The following DNAJB2 variants were observed in gnomAD, a reference collection of about 807,000 sequenced individuals.
DNAJB2 encodes the protein dnaJ homolog subfamily B member 2.
In DNAJB2, 19 loss-of-function variants were observed where a neutral mutation model predicts 33.3. That is an observed-to-expected ratio of 0.57 (90% confidence interval 0.40 to 0.84). DNAJB2 has a LOEUF of 0.84. Among genes scored for constraint, DNAJB2 ranks in the 40% least tolerant of loss-of-function variants. The probability of loss-of-function intolerance (pLI) is 0.00; values close to 1 mark genes in which losing one functional copy is unlikely to be tolerated. For missense variants in DNAJB2, 368 were observed against 430.9 expected, an observed-to-expected ratio of 0.85 and a Z score of 1.29; for synonymous variants, 172 against 164.6, an observed-to-expected ratio of 1.04 and a Z score of -0.34.
At position 219,279,427 on chromosome 2, in the gene DNAJB2, A is replaced by C. The variant is rs1371305960; in HGVS notation, c.-128A>C. 5.7e-6 allele frequency: 1 copy of C among 176,182 alleles called. No individual in the cohort carries two copies. The highest frequency in any genetic ancestry group is 1.2e-5 in the Non-Finnish European group (1 of 83,694). The allele number at this position is 176,182 out of a possible 1,614,324, so 10.9% of individuals were successfully genotyped here. On this transcript the variant is annotated 5_prime_UTR_variant, in exon 1 of 9. Coordinates refer to ENST00000336576, the MANE Select transcript of DNAJB2 (RefSeq NM_006736.6). This position sits in a 1 kb window ranked among gnomAD's most constrained non-coding sequence, Gnocchi z 4.9. ...CAGCTGGGCCGGGCGCGTCCTACGC[A>C]GCAGCCGCGAGCCGGGCTGCGGGTG...
chr2:219,280,297 G>GCCCCAACCTTTGCAGC, intron 2 of DNAJB2: 1 of 544,992 alleles, frequency 1.8e-6, no homozygotes, highest in African/African-American at 1.9e-5. Flanking sequence ...GGCCACATGT[G>GCCCCAACCTTTGCAGC]CCCCAACCTT....
In DNAJB2 at chr2:219,286,332, T is replaced by G. The variant is rs1951956322; in HGVS notation, c.*1345T>G. The G allele has an allele frequency of 9.2e-6, 3 of 326,132 alleles. No homozygotes were observed. Among genetic ancestry groups the G allele is most frequent in the Non-Finnish European group, 1.7e-5 (3 of 172,536 alleles). The allele number at this position is 326,132 out of a possible 1,614,324, so 20.2% of individuals were successfully genotyped here. On this transcript the variant is annotated 3_prime_UTR_variant, in exon 9 of 9. Transcript: ENST00000336576. ...TAGCCCAGGTCGGCTTGTCACTCGC[T>G]GTGAGATGGGGAGATTTTGTCTTTT...
chr2:219,286,044 C>T lies in DNAJB2; in HGVS notation c.*1057C>T, dbSNP rs558217406. ...TCGCTGCACAGTTCCAACAGGACAG[C>T]GCCTTCCCCCATGCGCTGGGAGGGG... is the stretch of plus-strand genomic sequence containing the variant. On this transcript the variant is annotated 3_prime_UTR_variant, in exon 9 of 9. Coordinates refer to ENST00000336576, the MANE Select transcript of DNAJB2 (RefSeq NM_006736.6). 39 of 1,609,138 alleles carry T rather than the reference C, an allele frequency of 2.4e-5. No homozygotes were observed. Among genetic ancestry groups the T allele is most frequent in the East Asian group, 4.5e-5 (2 of 44,786 alleles).
In DNAJB2 at chr2:219,285,990, T is replaced by C. The variant is rs746540118; in HGVS notation, c.*1003T>C. 6.2e-7 allele frequency: 1 copy of C among 1,612,832 alleles called. No individual in the cohort carries two copies. The highest frequency in any genetic ancestry group is 8.5e-7 in the Non-Finnish European group (1 of 1,179,786). On this transcript the variant is annotated 3_prime_UTR_variant, in exon 9 of 9. Coordinates refer to ENST00000336576, the MANE Select transcript of DNAJB2 (RefSeq NM_006736.6). ...CCCGCCCCTGCTCTCTCCCCAGATG[T>C]GTTCTGAGCTGGATGCCGGGTTCCA...
chr2:219,279,788 T>C lies in DNAJB2; in HGVS notation c.-36-10T>C, dbSNP rs1951887829. On this transcript the variant is annotated splice_polypyrimidine_tract_variant and intron_variant, in intron 1 of 8. Coordinates refer to ENST00000336576, the MANE Select transcript of DNAJB2 (RefSeq NM_006736.6). The surrounding 1 kb of genome is among the most constrained non-coding windows in gnomAD (Gnocchi z 4.9). Reference sequence around the variant, plus strand: ...TTGGTTCTTTCCGCCTGACTCCTTCTCTTCTGCAGCCCCAAGGAGGCCCGC... The same window carrying C: ...TTGGTTCTTTCCGCCTGACTCCTTCCCTTCTGCAGCCCCAAGGAGGCCCGC... The C allele has an allele frequency of 6.2e-7, 1 of 1,609,756 alleles. No individual in the cohort carries two copies. The highest frequency in any genetic ancestry group is 1.3e-5 in the African/African-American group (1 of 74,964).
Position 219,285,446 on chromosome 2 carries a change from C to T in DNAJB2, c.*459C>T, listed in dbSNP as rs949774448. Reference sequence around the variant, plus strand: ...CTCTCCTGGACCAGCTGCAGACCCCCAACCCTGGTTTCTGTGCCATGTTGC... The same window carrying T: ...CTCTCCTGGACCAGCTGCAGACCCCTAACCCTGGTTTCTGTGCCATGTTGC... On this transcript the variant is annotated 3_prime_UTR_variant, in exon 9 of 9. Coordinates refer to ENST00000336576, the MANE Select transcript of DNAJB2 (RefSeq NM_006736.6). 1.2e-5 allele frequency: 12 copies of T among 1,005,980 alleles called. No individual in the cohort carries two copies. The African/African-American group carries it at 1.9e-4, about 16-fold the overall frequency. 62.3% of individuals were successfully genotyped at this position (1,005,980 alleles called of 1,614,324 possible). A position where few individuals can be genotyped will look rare whatever the true frequency, so the allele number is the denominator to read the frequency against.
At chr2:219,284,511 T>G in intron 8 of DNAJB2, 121 bp from the exon 9 acceptor site, 1 of 1,286,122 alleles carries the variant, frequency 7.8e-7, no homozygotes, top group Non-Finnish European at 1.1e-6. Context: ...GGTGCCAAAA[T>G]GCATGTGTGC....
chr2:219,283,186 G>A lies in DNAJB2; in HGVS notation c.499G>A (p.Val167Ile). ...TCCTGGGGCTGGTGCTTTTCGCTCTGTTTCTACATCTACCACCTTTGTCCA... is the reference window on the plus strand; with the variant it reads ...TCCTGGGGCTGGTGCTTTTCGCTCTATTTCTACATCTACCACCTTTGTCCA... ...FSPGAGAFRS[V>I]STSTTFVQGR... Residue 167 changes from valine to isoleucine, a missense_variant, in exon 7 of 9, where the codon GTT becomes ATT. By Grantham distance (29) the Val-to-Ile change is conservative. Transcript: ENST00000336576. 6.2e-7 allele frequency: 1 copy of A among 1,614,226 alleles called. No individual in the cohort carries two copies. Among genetic ancestry groups the A allele is most frequent in the East Asian group, 2.2e-5 (1 of 44,890 alleles).
intron 5 of DNAJB2, 67 bp downstream of exon 5, chr2:219,282,128 G>A: frequency 6.2e-7 from 1 of 1,613,550 alleles, no homozygotes; most frequent in Non-Finnish European, 8.5e-7. Context: ...TCCATCAGCT[G>A]GGAGGCCCTG....
rs779463890 is a variant in DNAJB2, at chr2:219,280,662, C to T, written c.150C>T (p.Ala50=). The change falls in exon 3 of 9, where the codon GCC becomes GCT. Residue 50 remains alanine, a synonymous_variant. Coordinates refer to ENST00000336576, the MANE Select transcript of DNAJB2 (RefSeq NM_006736.6). ...EFAEKKFKEV[A]EAYEVLSDKH... is the part of the protein sequence containing the mutation. ...CTGAGAAGAAATTTAAGGAGGTGGC[C>T]GAGGCATATGAAGTGCTGTCTGACA... is the stretch of plus-strand genomic sequence containing the variant. The T allele has an allele frequency of 5.0e-6, 8 of 1,613,784 alleles. No homozygotes were observed. The highest frequency in any genetic ancestry group is 2.7e-5 in the African/African-American group (2 of 74,870).
intron 2 of DNAJB2, chr2:219,280,190 C>T: frequency 1.9e-6 from 1 of 537,054 alleles, no homozygotes; most frequent in Non-Finnish European, 3.3e-6. Context: ...TCCCCTCCCC[C>T]TTCCCCCTAG....
chr2:219,285,986 G>T lies in DNAJB2; in HGVS notation c.*999G>T. 2 of 1,612,788 alleles carry T rather than the reference G, an allele frequency of 1.2e-6. No individual in the cohort carries two copies. Among genetic ancestry groups the T allele is most frequent in the Non-Finnish European group, 1.7e-6 (2 of 1,179,798 alleles). On this transcript the variant is annotated 3_prime_UTR_variant, in exon 9 of 9. Coordinates refer to ENST00000336576, the MANE Select transcript of DNAJB2 (RefSeq NM_006736.6). ...TCACCCCGCCCCTGCTCTCTCCCCA[G>T]ATGTGTTCTGAGCTGGATGCCGGGT... is the stretch of plus-strand genomic sequence containing the variant.
rs1214157767 is a variant in DNAJB2 at position 219,279,671 on chromosome 2, G to A, written c.-36-127G>A. On this transcript the variant is annotated intron_variant, in intron 1 of 8. Coordinates refer to ENST00000336576, the MANE Select transcript of DNAJB2 (RefSeq NM_006736.6). The surrounding 1 kb of genome is among the most constrained non-coding windows in gnomAD (Gnocchi z 4.9). The stretch of plus-strand genomic sequence containing the variant: ...GCTGCCGGAGGGAGCCTAGTCACCG[G>A]CCGCAAGCAGAGCCCGGTGTGCTCC... 1.0e-5 allele frequency: 7 copies of A among 695,740 alleles called. No homozygotes were observed. The highest frequency in any genetic ancestry group is 3.7e-5 in the South Asian group (2 of 54,180). 43.1% of individuals were successfully genotyped at this position (695,740 alleles called of 1,614,324 possible). A position where few individuals can be genotyped will look rare whatever the true frequency, so the allele number is the denominator to read the frequency against.
chr2:219,284,929 A>G lies in DNAJB2; in HGVS notation c.917A>G (p.Glu306Gly). The change falls in exon 9 of 9, where the codon GAA becomes GGA. Residue 306 changes from glutamate to glycine, a missense_variant. Coordinates refer to ENST00000336576, the MANE Select transcript of DNAJB2 (RefSeq NM_006736.6). ...GGGACCCAGGAGGGTGCGAGGGGTG[A>G]AGCAACCAAACGCAGTCCATCCCCA... Reference protein sequence around the residue: ...LGGTQEGARGEATKRSPSPEE... With the variant: ...LGGTQEGARGGATKRSPSPEE... 2 of 1,575,030 alleles carry G rather than the reference A, an allele frequency of 1.3e-6. No individual in the cohort carries two copies. The highest frequency in any genetic ancestry group is 1.7e-6 in the Non-Finnish European group (2 of 1,156,722).
chr2:219,280,299 C>A, intron 2 of DNAJB2: 1 of 546,318 alleles, frequency 1.8e-6, no homozygotes, highest in South Asian at 2.3e-5. Flanking sequence ...CCACATGTGC[C>A]CCAACCTTTG....
In DNAJB2 at chr2:219,285,114, C is replaced by T. The variant is rs920537785; in HGVS notation, c.*127C>T. The T allele has an allele frequency of 1.9e-5, 26 of 1,379,658 alleles. No individual in the cohort carries two copies. In the African/African-American group the frequency reaches 3.8e-4, roughly 20 times the overall value. The allele number at this position is 1,379,658 out of a possible 1,614,324, so 85.5% of individuals were successfully genotyped here. On this transcript the variant is annotated 3_prime_UTR_variant, in exon 9 of 9. Transcript: ENST00000336576. ...AACTCCAAGCTCCCTCCACAAGTTT[C>T]CCTCCCAGGCCCCCCACACCCCAGT...
In DNAJB2 at chr2:219,285,779, G is replaced by T; in HGVS notation, c.*792G>T. Reference sequence around the variant, plus strand: ...CTCACCCTCAGGACTAGGCAGAGGTGAGGCTGGCTCACCCTGAAGAGGTGG... The same window carrying T: ...CTCACCCTCAGGACTAGGCAGAGGTTAGGCTGGCTCACCCTGAAGAGGTGG... On this transcript the variant is annotated 3_prime_UTR_variant, in exon 9 of 9. Coordinates refer to ENST00000336576, the MANE Select transcript of DNAJB2 (RefSeq NM_006736.6). The T allele has an allele frequency of 7.3e-7, 1 of 1,364,644 alleles. No homozygotes were observed. The highest frequency in any genetic ancestry group is 2.6e-5 in the East Asian group (1 of 38,030). 84.5% of individuals were successfully genotyped at this position (1,364,644 alleles called of 1,614,324 possible).
At chr2:219,281,546 A>G (rs1236944122) in intron 3 of DNAJB2, 172 bp from the exon 4 acceptor site, 2 of 723,510 alleles carry the variant, frequency 2.8e-6, no homozygotes, top group Non-Finnish European at 4.6e-6. Flanking sequence ...GCTGTGTGAA[A>G]GGCTGAGTTG....
Position 219,282,003 on chromosome 2 carries a change from C to G in DNAJB2, c.294C>G (p.Ser98Arg). 6.2e-7 allele frequency: 1 copy of G among 1,614,196 alleles called. No individual in the cohort carries two copies. The highest frequency in any genetic ancestry group is 1.3e-5 in the African/African-American group (1 of 75,052). ...CTGGCTTCACCTTCACCTTCCGCAG[C>G]CCCGAGGAGGTCTTCCGGGAATTCT... is the stretch of plus-strand genomic sequence containing the variant. ...GGPGFTFTFR[S>R]PEEVFREFFG... Residue 98 changes from serine to arginine, a missense_variant, in exon 5 of 9, where the codon AGC (serine) becomes AGG (arginine). Coordinates refer to ENST00000336576, the MANE Select transcript of DNAJB2 (RefSeq NM_006736.6).
Sources: allele counts gnomAD v4.1 joint callset, GRCh38; gene constraint gnomAD v4.1.1; non-coding constraint Gnocchi (gnomAD v3.1); transcripts MANE v1.5; gene names NCBI Gene and HGNC (gene_info 2026-07-23, HGNC 2026-07-21).